Variants in GINS1 observed in about 807,000 individuals in gnomAD.
The protein encoded by GINS1 is GINS complex subunit 1.
In GINS1, 26 loss-of-function variants were observed where a neutral mutation model predicts 34.9. That is an observed-to-expected ratio of 0.74 (90% CI 0.55 to 1.03). GINS1 has a LOEUF of 1.03. Among genes scored for constraint, GINS1 ranks in the 50% least tolerant of loss-of-function variants. GINS1 has a pLI of 0.00. For missense variants in GINS1, 235 were observed against 237.9 expected (o/e 0.99, Z 0.08); for synonymous variants, 97 against 84.4 (o/e 1.15, Z -0.82).
chr20:25,431,296 A>G (rs968857308), intron 5 of GINS1, among the ~76,000 whole-genome samples: 1 of 152,062 alleles, frequency 6.6e-6, no homozygotes, highest in African/African-American at 2.4e-5. Flanking sequence ...GCCTTCTTTT[A>G]TTCTTAGTCT....
chr20:25,420,801 A>G (rs1568801277), intron 4 of GINS1: 1 of 924,006 alleles, frequency 1.1e-6, no homozygotes, highest in Non-Finnish European at 1.3e-6. Context: ...AAAAAAGAAA[A>G]AAAGAAAAAG....
intron 5 of GINS1, among the ~76,000 whole-genome samples, chr20:25,428,836 A>G (rs1029795457): frequency 6.6e-6 from 1 of 152,028 alleles, no homozygotes; most frequent in African/African-American, 2.4e-5. Context: ...TGTTCTGTAC[A>G]TCTGTCGTAA....
chr20:25,413,662 G>A (rs772132767), intron 1 of GINS1, 128 bp from the exon 2 acceptor site: 18 of 658,894 alleles, frequency 2.7e-5, no homozygotes, highest in Non-Finnish European at 4.8e-5. Flanking sequence ...CCATGCTAGT[G>A]GGGTGTGAAA....
At chr20:25,420,839 C>G in intron 4 of GINS1, 1 of 965,588 alleles carries the variant, frequency 1.0e-6, no homozygotes, top group Non-Finnish European at 1.2e-6. Flanking sequence ...TGGTCTCGTT[C>G]TCTTAGTAGT....
intron 5 of GINS1, among the ~76,000 whole-genome samples, chr20:25,430,676 A>T (rs576938035): frequency 1.1e-4 from 17 of 152,196 alleles, no homozygotes; most frequent in African/African-American, 4.1e-4. Flanking sequence ...GATTACAGGC[A>T]TGTGCCACCA....
Position 25,445,998 on chromosome 20 carries a change from G to GC in GINS1, c.*9dup, listed in dbSNP as rs749213128. 21 of 1,578,250 alleles carry GC rather than the reference G, an allele frequency of 1.3e-5. No homozygotes were observed. In the African/African-American group the frequency reaches 2.0e-4, roughly 15 times the overall value. ...GGAGCACATCCTGTCATGACCATGC[G>GC]CCGAGGCACTTCCAGGCTTCACTCA... On this transcript the variant is annotated 3_prime_UTR_variant, in exon 7 of 7. Coordinates refer to ENST00000262460, the MANE Select transcript of GINS1 (RefSeq NM_021067.5).
intron 1 of GINS1, among the ~76,000 whole-genome samples, chr20:25,409,799 C>G (rs2090272061): frequency 6.6e-6 from 1 of 152,206 alleles, no homozygotes; most frequent in Non-Finnish European, 1.5e-5. Context: ...AGGCAGCAGT[C>G]TGCAGCTCAG....
At chr20:25,415,907 A>G (rs2090317944) in intron 2 of GINS1, among the ~76,000 whole-genome samples, 1 of 152,112 alleles carries the variant, frequency 6.6e-6, no homozygotes, top group African/African-American at 2.4e-5. Context: ...AGGAGATGCA[A>G]GTCTTAGGGA....
At chr20:25,409,065 C>T in intron 1 of GINS1, 1 of 981,982 alleles carries the variant, frequency 1.0e-6, no homozygotes, top group Non-Finnish European at 1.2e-6. Flanking sequence ...GGTTACTGAT[C>T]TGAGAAGGAA....
At chr20:25,428,969 CTTTTTTTTTTTTTTTTTTTTTTTT>C (rs77113924) in intron 5 of GINS1, among the ~76,000 whole-genome samples, 3 of 127,442 alleles carry the variant, frequency 2.4e-5, no homozygotes, top group Non-Finnish European at 1.6e-5. Context: ...ATTCCTCTCT[CTTTTTTTTTTTTTTTTTTTTTTTT>C]TTTTTTTTTT....
At chr20:25,433,361 C>T (rs773999416) in intron 5 of GINS1, among the ~76,000 whole-genome samples, 11 of 152,020 alleles carry the variant, frequency 7.2e-5, no homozygotes, top group Admixed American at 2.0e-4. Context: ...CATTACCCCC[C>T]ACAGATACCA....
At chr20:25,442,613 T>A (rs6107040) in intron 6 of GINS1, among the ~76,000 whole-genome samples, 5,331 of 56,050 alleles carry the variant, frequency 0.095, 92 homozygotes, top group East Asian at 0.17. Context: ...TATTATTATT[T>A]TTTTTTTTTT....
chr20:25,420,939 C>G (rs2500407), intron 4 of GINS1: 3 of 983,408 alleles, frequency 3.1e-6, no homozygotes, highest in Non-Finnish European at 3.6e-6. Context: ...GCAATTGCAT[C>G]GTGGCAACTG....
intron 4 of GINS1, among the ~76,000 whole-genome samples, chr20:25,420,258 C>T (rs758963293): frequency 2.6e-5 from 4 of 151,880 alleles, no homozygotes; most frequent in East Asian, 1.9e-4. Flanking sequence ...CTCAGCATCC[C>T]GAGTAACTGG....
At chr20:25,423,452 C>CTTTTTTTT (rs1159340467) in intron 4 of GINS1, among the ~76,000 whole-genome samples, 500 of 30,006 alleles carry the variant, frequency 0.017, 120 homozygotes, top group Middle Eastern at 0.062. Flanking sequence ...TTTTTCTTTT[C>CTTTTTTTT]TTTTTTTTTT....
At chr20:25,425,416 C>T in intron 5 of GINS1, 89 bp downstream of exon 5, 1 of 616,982 alleles carries the variant, frequency 1.6e-6, no homozygotes, top group Non-Finnish European at 2.9e-6. Context: ...TATGTGTTAG[C>T]TTCTATTAAA....
rs1465928560 is a variant in GINS1 at position 25,412,664 on chromosome 20, T to A, written c.76-1126T>A. On this transcript the variant is annotated intron_variant, in intron 1 of 6. Transcript: ENST00000262460. The stretch of plus-strand genomic sequence containing the variant: ...TTTGTTCGTCAATTTTATTGATGTA[T>A]AATTTACATACAACATGTGTATTTT... 2.6e-5 allele frequency among the ~76,000 whole-genome samples: 4 copies of A among 152,258 alleles called. No homozygotes were observed. In the East Asian group the frequency reaches 7.7e-4, roughly 29 times the overall value.
intron 5 of GINS1, among the ~76,000 whole-genome samples, chr20:25,431,498 G>T (rs1220236700): frequency 6.7e-6 from 1 of 149,002 alleles, no homozygotes; most frequent in Non-Finnish European, 1.5e-5. Flanking sequence ...TAGGTGGTTG[G>T]CTTGAAATTT....
intron 5 of GINS1, among the ~76,000 whole-genome samples, chr20:25,431,699 T>C (rs548510909): frequency 4.4e-4 from 66 of 151,444 alleles, no homozygotes; most frequent in African/African-American, 1.6e-3. Flanking sequence ...GCCTCCCGAG[T>C]AGCTGGGACT....
Sources: allele counts gnomAD v4.1 joint callset (sites outside exome capture counted in the v4.1 genomes callset), GRCh38; gene constraint gnomAD v4.1.1; transcripts MANE v1.5; gene names NCBI Gene and HGNC (gene_info 2026-07-23, HGNC 2026-07-21).